Variants in TRIM40 observed in about 807,000 individuals in gnomAD.
TRIM40 encodes the protein tripartite motif containing 40.
Under a neutral mutation model 26.1 loss-of-function variants are expected in TRIM40, and 27 were observed. That is an observed-to-expected ratio of 1.04 (90% CI 0.76 to 1.43). The LOEUF (loss-of-function observed/expected upper bound fraction) is 1.43, where lower values mean the gene tolerates loss of function less well. Among genes scored for constraint, TRIM40 ranks in the 40% most tolerant of loss-of-function variants. The pLI, the probability that TRIM40 is intolerant of heterozygous loss-of-function variation, is 0.00. For synonymous variants in TRIM40, 114 were observed against 120.0 expected (o/e 0.95, Z 0.33); for missense variants, 289 against 307.9 (o/e 0.94, Z 0.46).
In TRIM40 at chr6:30,142,856, G is replaced by T. The variant is rs190646092; in HGVS notation, c.346-3138G>T. On this transcript the variant is annotated intron_variant, in intron 2 of 5. Transcript: ENST00000396581. ...ATCAATTAAGTTCTCATGATGGGCT[G>T]TTTTTTTTTTACTCTAGTCCATTGA... Among the ~76,000 whole-genome samples the T allele has an allele frequency of 9.0e-3, 1,312 of 145,644 alleles. 8 individuals carry two copies. Among genetic ancestry groups the T allele is most frequent in the Middle Eastern group, 0.029 (8 of 280 alleles).
intron 5 of TRIM40, 90 bp from the exon 6 acceptor site, chr6:30,147,635 G>A (rs1452030359): frequency 1.2e-6 from 2 of 1,610,850 alleles, no homozygotes; most frequent in Non-Finnish European, 1.7e-6. Context: ...TGCTCCGTTA[G>A]CTTTTGTATC....
chr6:30,136,941 C>G lies in TRIM40; in HGVS notation c.-96C>G. The G allele has an allele frequency of 1.5e-6, 2 of 1,301,462 alleles. No homozygotes were observed. The highest frequency in any genetic ancestry group is 4.9e-5 in the East Asian group (2 of 40,868). The allele number at this position is 1,301,462 out of a possible 1,614,324, so 80.6% of individuals were successfully genotyped here. On this transcript the variant is annotated 5_prime_UTR_variant, in exon 2 of 6. Transcript: ENST00000396581. ...CAGGGCTGCCTCCTTCCGACTGGGCCTTCTTATCTGGGACTGTTGAGGGCA... is the reference window on the plus strand; with the variant it reads ...CAGGGCTGCCTCCTTCCGACTGGGCGTTCTTATCTGGGACTGTTGAGGGCA...
chr6:30,137,121 T>C lies in TRIM40; in HGVS notation c.85T>C (p.Cys29Arg). 1 of 1,613,092 alleles carries C rather than the reference T, an allele frequency of 6.2e-7. No homozygotes were observed. The highest frequency in any genetic ancestry group is 8.5e-7 in the Non-Finnish European group (1 of 1,180,028). The change falls in exon 2 of 6, where the codon TGC becomes CGC. Residue 29 changes from cysteine to arginine, a missense_variant. Physicochemically the swap from Cys to Arg is radical, Grantham distance 180. Coordinates refer to ENST00000396581, the MANE Select transcript of TRIM40 (RefSeq NM_001286633.2). ...ESLKEAVSTNCGHLFCRVCLT... is the reference protein window; with the variant it reads ...ESLKEAVSTNRGHLFCRVCLT... ...CCTGAAGGAGGCCGTGAGCACCAAC[T>C]GCGGACATCTCTTCTGTCGAGTGTG... is the stretch of plus-strand genomic sequence containing the variant.
intron 2 of TRIM40, among the ~76,000 whole-genome samples, chr6:30,140,625 G>A (rs561049894): frequency 1.6e-4 from 24 of 152,194 alleles, no homozygotes; most frequent in Non-Finnish European, 2.6e-4. Flanking sequence ...CGTGGATGAC[G>A]GTTTGATGGG....
At chr6:30,140,291 T>C (rs1160343686) in intron 2 of TRIM40, among the ~76,000 whole-genome samples, 2 of 152,122 alleles carry the variant, frequency 1.3e-5, no homozygotes, top group African/African-American at 4.8e-5. Context: ...TGTGGCATGG[T>C]TCACAATAGC....
In TRIM40 at chr6:30,146,075, C is replaced by A; in HGVS notation, c.427C>A (p.Leu143Met). 1.2e-6 allele frequency: 2 copies of A among 1,612,812 alleles called. No homozygotes were observed. Among genetic ancestry groups the A allele is most frequent in the Non-Finnish European group, 1.7e-6 (2 of 1,179,922 alleles). ...QRLKAQQEKK[L>M]QALQFQVDHG... Reference sequence around the variant, plus strand: ...GCTCAAGGCTCAGCAGGAGAAGAAACTGCAGGCTCTGCAGGTGGGTTTTTC... The same window carrying A: ...GCTCAAGGCTCAGCAGGAGAAGAAAATGCAGGCTCTGCAGGTGGGTTTTTC... Residue 143 changes from leucine (L) to methionine (M), a missense_variant, in exon 3 of 6, where the codon CTG (leucine) becomes ATG (methionine). Physicochemically the swap from Leu to Met is conservative, Grantham distance 15. Coordinates refer to ENST00000396581, the MANE Select transcript of TRIM40 (RefSeq NM_001286633.2).
chr6:30,137,523 C>T, intron 2 of TRIM40, 142 bp downstream of exon 2: 2 of 723,492 alleles, frequency 2.8e-6, no homozygotes, highest in Non-Finnish European at 4.5e-6. Flanking sequence ...TGTTTTGGAC[C>T]CTTGTCTTGC....
intron 2 of TRIM40, among the ~76,000 whole-genome samples, chr6:30,138,660 A>G (rs75340846): frequency 0.02 from 3,110 of 152,268 alleles, 41 homozygotes; most frequent in Non-Finnish European, 0.031. Flanking sequence ...ATATTTGTAT[A>G]TCTTTATTTT....
In TRIM40 at chr6:30,147,513, C is replaced by A; in HGVS notation, c.667-7C>A. On this transcript the variant is annotated splice_region_variant and splice_polypyrimidine_tract_variant and intron_variant, in intron 4 of 5. Coordinates refer to ENST00000396581, the MANE Select transcript of TRIM40 (RefSeq NM_001286633.2). ...CAATTATGATTCTCACTTTTTCTCT[C>A]TCCTAGAATGCTGGTGACTTACTGA... is the stretch of plus-strand genomic sequence containing the variant. 2 of 1,614,022 alleles carry A rather than the reference C, an allele frequency of 1.2e-6. No homozygotes were observed. Among genetic ancestry groups the A allele is most frequent in the Non-Finnish European group, 1.7e-6 (2 of 1,180,026 alleles).
At position 30,137,321 on chromosome 6, in the gene TRIM40, G is replaced by A. The variant is rs769090016; in HGVS notation, c.285G>A (p.Val95=). The part of the protein sequence containing the change: ...SRLLLCVECL[V]SPEHMSHHEL... Reference sequence around the variant, plus strand: ...TTCTTCTATGTGTGGAATGCCTGGTGTCCCCTGAACACATGTCTCATCATG... The same window carrying A: ...TTCTTCTATGTGTGGAATGCCTGGTATCCCCTGAACACATGTCTCATCATG... Residue 95 remains valine, a synonymous_variant, in exon 2 of 6, where the codon GTG becomes GTA. Coordinates refer to ENST00000396581, the MANE Select transcript of TRIM40 (RefSeq NM_001286633.2). 6.2e-7 allele frequency: 1 copy of A among 1,612,888 alleles called. No homozygotes were observed.
rs1285216041 is a variant in TRIM40 at position 30,136,874 on chromosome 6, A to G, written c.-163A>G. 3.1e-6 allele frequency: 2 copies of G among 649,602 alleles called. No homozygotes were observed. The highest frequency in any genetic ancestry group is 3.7e-5 in the African/African-American group (2 of 54,662). 40.2% of individuals were successfully genotyped at this position (649,602 alleles called of 1,614,324 possible). A position where few individuals can be genotyped will look rare whatever the true frequency, so the allele number is the denominator to read the frequency against. The stretch of plus-strand genomic sequence containing the variant: ...CGGCACCCTTGAGGGAGAGTGGGCA[A>G]TTGCCTGAACTTGGAGGCTGTGTCC... On this transcript the variant is annotated 5_prime_UTR_variant, in exon 2 of 6. Coordinates refer to ENST00000396581, the MANE Select transcript of TRIM40 (RefSeq NM_001286633.2).
intron 5 of TRIM40, 47 bp from the exon 6 acceptor site, chr6:30,147,678 G>A: frequency 6.2e-7 from 1 of 1,606,060 alleles, no homozygotes; most frequent in African/African-American, 1.3e-5. Flanking sequence ...AGAGCCAATG[G>A]AATATATGAA....
intron 2 of TRIM40, among the ~76,000 whole-genome samples, chr6:30,143,087 A>G (rs1345321202): frequency 6.6e-6 from 1 of 152,058 alleles, no homozygotes; most frequent in Non-Finnish European, 1.5e-5. Context: ...ATTACTAAGA[A>G]TCATGACTTT....
intron 2 of TRIM40, among the ~76,000 whole-genome samples, chr6:30,139,960 A>G (rs973231331): frequency 1.3e-5 from 2 of 152,268 alleles, no homozygotes; most frequent in African/African-American, 4.8e-5. Flanking sequence ...ACCAACAGAC[A>G]TATGAAAAAA....
At chr6:30,141,816 T>C (rs984087904) in intron 2 of TRIM40, among the ~76,000 whole-genome samples, 3 of 152,166 alleles carry the variant, frequency 2.0e-5, no homozygotes, top group Admixed American at 2.0e-4. Flanking sequence ...CAAGATGGTG[T>C]GATGCAGTGT....
chr6:30,146,133 C>T (rs765549932), intron 3 of TRIM40, 44 bp downstream of exon 3: 134 of 1,493,788 alleles, frequency 9.0e-5, no homozygotes, highest in Non-Finnish European at 1.2e-4. Context: ...GGAGTGTTCT[C>T]AGGAGCCCTT....
chr6:30,139,350 T>C (rs1184499636), intron 2 of TRIM40, among the ~76,000 whole-genome samples: 2 of 146,626 alleles, frequency 1.4e-5, no homozygotes, highest in Non-Finnish European at 1.5e-5. Flanking sequence ...TTTTTTTTTT[T>C]TTTTTTTTTT....
At chr6:30,145,406 T>C (rs543794452) in intron 2 of TRIM40, among the ~76,000 whole-genome samples, 4 of 152,336 alleles carry the variant, frequency 2.6e-5, no homozygotes, top group Admixed American at 1.3e-4. Flanking sequence ...ATCAAAAACC[T>C]GAAAGCAAAA....
intron 2 of TRIM40, 81 bp downstream of exon 2, chr6:30,137,462 C>G: frequency 1.7e-6 from 2 of 1,163,920 alleles, no homozygotes; most frequent in Non-Finnish European, 2.5e-6. Context: ...TGCCTGGCAC[C>G]TCAGAGTAGC....
Sources: gnomAD v4.1 joint callset for allele counts (sites outside exome capture counted in the v4.1 genomes callset) on GRCh38, gnomAD v4.1.1 for gene constraint, MANE v1.5 for transcripts, NCBI Gene and HGNC (gene_info 2026-07-23, HGNC 2026-07-21) for gene names.